Variants in GRM5 observed in about 807,000 individuals in gnomAD.
GRM5 encodes the protein glutamate metabotropic receptor 5.
GRM5 carries 19 observed loss-of-function variants against 83.1 expected under a neutral mutation model. The ratio of observed to expected loss-of-function variants is 0.23; its 90% confidence interval spans 0.16 to 0.34. The LOEUF (loss-of-function observed/expected upper bound fraction) is 0.34. Ranked by LOEUF, GRM5 falls within the 10% of genes least tolerant of loss-of-function variation. GRM5 has a pLI of 1.00. For synonymous variants in GRM5, 675 were observed against 633.6 expected (o/e 1.07, Z -0.98); for missense variants, 1,160 against 1,588.3 (o/e 0.73, Z 4.58).
chr11:88,830,572 A>G (rs900771013), intron 3 of GRM5, among the ~76,000 whole-genome samples: 3 of 152,186 alleles, frequency 2.0e-5, no homozygotes, highest in East Asian at 1.9e-4. Flanking sequence ...AGACTTCCCA[A>G]TGTGGGGAAA....
Position 88,704,224 on chromosome 11 carries a change from G to A in GRM5, c.912-50821C>T, listed in dbSNP as rs562273651. 1.3e-5 allele frequency among the ~76,000 whole-genome samples: 2 copies of A among 151,992 alleles called. 1 individual carries two copies. ...CACCTCCAAATACCATCACATTGGG[G>A]CTTAGGGTGTCAATATATGAATTTG... is the stretch of plus-strand genomic sequence containing the variant. On this transcript the variant is annotated intron_variant, in intron 3 of 9. Coordinates refer to ENST00000305447, the MANE Select transcript of GRM5 (RefSeq NM_001143831.3).
chr11:88,846,348 A>G (rs1407307548), intron 3 of GRM5, among the ~76,000 whole-genome samples: 1 of 152,256 alleles, frequency 6.6e-6, no homozygotes, highest in Non-Finnish European at 1.5e-5. Flanking sequence ...TATTGATCTC[A>G]GCCTGCTGTC....
At chr11:88,751,357 G>T (rs1048875436) in intron 3 of GRM5, among the ~76,000 whole-genome samples, 2 of 152,124 alleles carry the variant, frequency 1.3e-5, no homozygotes, top group Non-Finnish European at 2.9e-5. Flanking sequence ...AAATCTAGAA[G>T]AAACCGATAC....
chr11:88,814,447 T>C (rs1943636388), intron 3 of GRM5, among the ~76,000 whole-genome samples: 1 of 152,272 alleles, frequency 6.6e-6, no homozygotes, highest in East Asian at 1.9e-4. Flanking sequence ...AATCGAACAG[T>C]ACTCAGGATA....
intron 8 of GRM5, among the ~76,000 whole-genome samples, chr11:88,526,395 G>A (rs1941878451): frequency 6.6e-6 from 1 of 152,174 alleles, no homozygotes; most frequent in African/African-American, 2.4e-5. Context: ...TTTGCCAGAT[G>A]AGGAAGCTAG....
chr11:88,674,119 G>A (rs1565181473), intron 3 of GRM5, among the ~76,000 whole-genome samples: 1 of 151,796 alleles, frequency 6.6e-6, no homozygotes, highest in Non-Finnish European at 1.5e-5. Context: ...TTGTATTTAG[G>A]TGTGAGAGGG....
chr11:88,593,792 CTTTT>C (rs1937717435), intron 6 of GRM5, among the ~76,000 whole-genome samples: 1 of 40,400 alleles, frequency 2.5e-5, no homozygotes, highest in Non-Finnish European at 1.4e-4. Context: ...CTCTTTCTCT[CTTTT>C]TCTCTTTCTT....
intron 2 of GRM5, among the ~76,000 whole-genome samples, chr11:88,985,791 T>A (rs1351264575): frequency 1.3e-5 from 2 of 152,110 alleles, no homozygotes; most frequent in Non-Finnish European, 2.9e-5. Context: ...TCAATCTATG[T>A]CAAATAGGGT....
chr11:88,743,818 G>C (rs1942078427), intron 3 of GRM5, among the ~76,000 whole-genome samples: 1 of 152,130 alleles, frequency 6.6e-6, no homozygotes, highest in Non-Finnish European at 1.5e-5. Context: ...AGCCCCATAA[G>C]CAGCAGATAC....
chr11:89,054,070 C>G (rs1591081673), intron 1 of GRM5, among the ~76,000 whole-genome samples: 1 of 152,204 alleles, frequency 6.6e-6, no homozygotes, highest in South Asian at 2.1e-4. Flanking sequence ...ATTCCAACAG[C>G]GGAGGAACAC....
intron 1 of GRM5, among the ~76,000 whole-genome samples, chr11:89,059,770 T>C (rs556026580): frequency 5.3e-5 from 8 of 152,232 alleles, no homozygotes; most frequent in African/African-American, 1.9e-4. Flanking sequence ...TTTTTTTAAT[T>C]TATTTTTCTC....
At chr11:88,819,117 CAAAG>C (rs568732970) in intron 3 of GRM5, among the ~76,000 whole-genome samples, 2 of 152,072 alleles carry the variant, frequency 1.3e-5, no homozygotes, top group Non-Finnish European at 2.9e-5. Flanking sequence ...AGAATGCTTC[CAAAG>C]AGAGAGAGGC....
intron 3 of GRM5, among the ~76,000 whole-genome samples, chr11:88,682,505 C>G (rs1940520525): frequency 6.6e-6 from 1 of 152,182 alleles, no homozygotes; most frequent in Non-Finnish European, 1.5e-5. Context: ...AGATACCTAT[C>G]TACTTAGCTA....
chr11:88,584,477 G>A (rs746769570), intron 7 of GRM5, among the ~76,000 whole-genome samples: 6 of 151,460 alleles, frequency 4.0e-5, no homozygotes, highest in African/African-American at 7.3e-5. Context: ...TCTGTCACCC[G>A]AGCTGGAGTG....
intron 3 of GRM5, among the ~76,000 whole-genome samples, chr11:88,808,630 T>C (rs1943538637): frequency 6.6e-6 from 1 of 151,982 alleles, no homozygotes; most frequent in Admixed American, 6.6e-5. Context: ...CCATAACATA[T>C]GACACTTCTC....
At chr11:88,690,160 A>C (rs533420087) in intron 3 of GRM5, among the ~76,000 whole-genome samples, 1 of 152,334 alleles carries the variant, frequency 6.6e-6, no homozygotes, top group African/African-American at 2.4e-5. Flanking sequence ...ATAAGAATAC[A>C]ACTGAGCATA....
At chr11:88,970,921 T>G in intron 2 of GRM5, among the ~76,000 whole-genome samples, 1 of 152,136 alleles carries the variant, frequency 6.6e-6, no homozygotes, top group Non-Finnish European at 1.5e-5. Flanking sequence ...TTCTGCCCTC[T>G]TTTACCTTCT....
chr11:88,968,920 T>G (rs772724712), intron 2 of GRM5, among the ~76,000 whole-genome samples: 1 of 152,098 alleles, frequency 6.6e-6, no homozygotes, highest in Non-Finnish European at 1.5e-5. Context: ...AGGATCGGGT[T>G]TTTTAGATGT....
chr11:88,808,678 G>T (rs1301096069), intron 3 of GRM5, among the ~76,000 whole-genome samples: 1 of 151,866 alleles, frequency 6.6e-6, no homozygotes, highest in African/African-American at 2.4e-5. Flanking sequence ...AAATATTATT[G>T]CAAGAAAGAT....
Sources: allele counts gnomAD v4.1 joint callset (sites outside exome capture counted in the v4.1 genomes callset), GRCh38; gene constraint gnomAD v4.1.1; transcripts MANE v1.5; gene names NCBI Gene and HGNC (gene_info 2026-07-23, HGNC 2026-07-21).